STRN3: variants seen among roughly 807,000 people sequenced by gnomAD.
The protein encoded by STRN3 is striatin 3, also known as striatin-3.
A neutral mutation model predicts 95.6 loss-of-function variants in STRN3; 29 were observed. That is an observed-to-expected ratio of 0.30 (90% confidence interval 0.23 to 0.41). STRN3 has a LOEUF of 0.41. STRN3 is among the 10% of genes least tolerant of loss of function. The pLI, the probability that STRN3 is intolerant of heterozygous loss-of-function variation, is 1.00. For synonymous variants in STRN3, 331 were observed against 357.6 expected (o/e 0.93, Z 0.84); for missense variants, 890 against 972.1 (o/e 0.92, Z 1.12).
At chr14:30,996,727 G>A (rs532597488) in intron 1 of STRN3, among the ~76,000 whole-genome samples, 2 of 152,250 alleles carry the variant, frequency 1.3e-5, no homozygotes, top group South Asian at 4.1e-4. Flanking sequence ...TTAGCTGGGT[G>A]TGGTGGTGTG....
At position 30,907,036 on chromosome 14, in the gene STRN3, C is replaced by T. The variant is rs781250899; in HGVS notation, c.1729G>A (p.Val577Ile). 6.2e-7 allele frequency: 1 copy of T among 1,605,926 alleles called. No individual in the cohort carries two copies. The highest frequency in any genetic ancestry group is 8.5e-7 in the Non-Finnish European group (1 of 1,177,998). ...TGACCAACTAAAGTGCCAGCTAGAA[C>T]ATTTGGCTCTGGGGAAAAAACAAAC... Reference protein sequence around the residue: ...VDPYDTYEPNVLAGTLVGHTD... With the variant: ...VDPYDTYEPNILAGTLVGHTD... Residue 577 changes from valine (V) to isoleucine (I), a missense_variant, in exon 14 of 18, where the codon GTT becomes ATT. By Grantham distance (29) the Val-to-Ile change is conservative (BLOSUM62 3). Coordinates refer to ENST00000357479, the MANE Select transcript of STRN3 (RefSeq NM_001083893.2).
chr14:30,939,723 C>T (rs1879002247), intron 5 of STRN3, among the ~76,000 whole-genome samples: 1 of 152,106 alleles, frequency 6.6e-6, no homozygotes, highest in Admixed American at 6.6e-5. Context: ...TTGATTCCTA[C>T]ACACTAGGAA....
At chr14:30,963,199 A>T (rs1360773902) in intron 1 of STRN3, among the ~76,000 whole-genome samples, 2 of 152,246 alleles carry the variant, frequency 1.3e-5, no homozygotes, top group South Asian at 4.1e-4. Context: ...AGACAACAGT[A>T]GTTGGAGATT....
At chr14:30,962,611 G>A (rs1179843579) in intron 1 of STRN3, among the ~76,000 whole-genome samples, 1 of 152,180 alleles carries the variant, frequency 6.6e-6, no homozygotes, top group East Asian at 1.9e-4. Flanking sequence ...ACAGTTCACT[G>A]CAGCCTCAAC....
chr14:31,007,744 T>TA lies in STRN3; in HGVS notation c.282+18159dup, dbSNP rs954405114. On this transcript the variant is annotated intron_variant, in intron 1 of 17. Transcript: ENST00000357479. ...TAACAAGACTCCATCTCTACAAAAATAAAAAAAAAAAAACAGCCAGGTGTG... is the reference window on the plus strand; with the variant it reads ...TAACAAGACTCCATCTCTACAAAAATAAAAAAAAAAAAAACAGCCAGGTGTG... 4.0e-3 allele frequency among the ~76,000 whole-genome samples: 590 copies of TA among 145,828 alleles called. 6 individuals carry two copies. The highest frequency in any genetic ancestry group is 0.012 in the African/African-American group (467 of 39,052).
chr14:30,905,710 TG>T (rs1222173229), intron 14 of STRN3, 152 bp from the exon 15 acceptor site: 14 of 776,392 alleles, frequency 1.8e-5, no homozygotes, highest in Admixed American at 1.1e-4. Context: ...TGTGTCAGGA[TG>T]GTGAGATAAG....
chr14:30,967,551 C>T (rs944594970), intron 1 of STRN3, among the ~76,000 whole-genome samples: 2 of 152,202 alleles, frequency 1.3e-5, no homozygotes, highest in South Asian at 4.1e-4. Context: ...ACTGACAACC[C>T]GTAGCCTTCC....
chr14:30,898,540 A>G (rs1392605649), intron 16 of STRN3, among the ~76,000 whole-genome samples: 6 of 152,208 alleles, frequency 3.9e-5, no homozygotes, highest in Admixed American at 3.9e-4. Context: ...TCAAAATGTG[A>G]GTAATCCCTT....
In STRN3 at chr14:30,922,033, C is replaced by T. The variant is rs548009560; in HGVS notation, c.1100-2927G>A. Among the ~76,000 whole-genome samples the T allele has an allele frequency of 1.9e-3, 294 of 151,556 alleles. 2 individuals are homozygous for T. Among genetic ancestry groups the T allele is most frequent in the African/African-American group, 7.0e-3 (288 of 41,244 alleles). On this transcript the variant is annotated intron_variant, in intron 8 of 17. Transcript: ENST00000357479. ...TGCCCAGTAGCTGGGACCACAGGCA[C>T]GTACCATCAAGCTTGGCTAATTTAA...
In STRN3 at chr14:30,961,599, A is replaced by G. The variant is rs1880210011; in HGVS notation, c.283-5357T>C. ...TACATATAATTATGTACAGTGCTCA[A>G]TACTTATAATGACAATAATGACTAT... On this transcript the variant is annotated intron_variant, in intron 1 of 17. Coordinates refer to ENST00000357479, the MANE Select transcript of STRN3 (RefSeq NM_001083893.2). Among the ~76,000 whole-genome samples the G allele has an allele frequency of 5.3e-5, 8 of 152,224 alleles. No homozygotes were observed. In the South Asian group the frequency reaches 1.7e-3, roughly 31 times the overall value.
At chr14:31,004,951 G>A (rs1472680143) in intron 1 of STRN3, among the ~76,000 whole-genome samples, 1 of 152,074 alleles carries the variant, frequency 6.6e-6, no homozygotes, top group African/African-American at 2.4e-5. Flanking sequence ...CTTTTCTCCA[G>A]AGATGATGCT....
Position 30,947,271 on chromosome 14 carries a change from A to C in STRN3, c.543-8T>G, listed in dbSNP as rs1879411237. On this transcript the variant is annotated splice_polypyrimidine_tract_variant and splice_region_variant and intron_variant, in intron 4 of 17. Coordinates refer to ENST00000357479, the MANE Select transcript of STRN3 (RefSeq NM_001083893.2). ...CCTACTTCCTGAAGATACCTGTAAG[A>C]GAAAATAAATATTAAAATCCACATA... 2 of 1,564,918 alleles carry C rather than the reference A, an allele frequency of 1.3e-6. No homozygotes were observed. Among genetic ancestry groups the C allele is most frequent in the Non-Finnish European group, 1.7e-6 (2 of 1,160,764 alleles).
At chr14:30,938,677 G>A (rs1878946481) in intron 5 of STRN3, among the ~76,000 whole-genome samples, 1 of 151,990 alleles carries the variant, frequency 6.6e-6, no homozygotes, top group African/African-American at 2.4e-5. Flanking sequence ...CCAAGAGAAT[G>A]TAAAGAAAAG....
At chr14:30,929,703 A>G (rs1193433084) in intron 7 of STRN3, among the ~76,000 whole-genome samples, 2 of 152,068 alleles carry the variant, frequency 1.3e-5, no homozygotes, top group Non-Finnish European at 2.9e-5. Flanking sequence ...TACTCGGAAA[A>G]GTGCAAGCTA....
chr14:30,922,325 G>C (rs971493427), intron 8 of STRN3, among the ~76,000 whole-genome samples: 4 of 152,064 alleles, frequency 2.6e-5, no homozygotes, highest in East Asian at 1.9e-4. Flanking sequence ...ACCATGCCCA[G>C]CTAGAAAAAC....
intron 8 of STRN3, among the ~76,000 whole-genome samples, chr14:30,920,973 CAT>C (rs1896863948): frequency 2.0e-5 from 3 of 152,124 alleles, no homozygotes; most frequent in Middle Eastern, 3.4e-3. Context: ...GCAATTTCCA[CAT>C]AGTTTCAGTG....
intron 1 of STRN3, among the ~76,000 whole-genome samples, chr14:30,997,011 A>C (rs965011802): frequency 3.9e-5 from 6 of 152,198 alleles, no homozygotes; most frequent in Non-Finnish European, 7.3e-5. Context: ...AGTAATAGAC[A>C]ATAAAAAAAA....
chr14:30,925,514 C>T (rs1427684598), intron 8 of STRN3, among the ~76,000 whole-genome samples: 2 of 151,958 alleles, frequency 1.3e-5, no homozygotes, highest in African/African-American at 4.8e-5. Context: ...TATGCTAATT[C>T]AGTAGGTGTG....
At chr14:30,899,742 C>T (rs1203277076) in intron 16 of STRN3, among the ~76,000 whole-genome samples, 7 of 148,612 alleles carry the variant, frequency 4.7e-5, no homozygotes, top group Admixed American at 4.7e-4. Flanking sequence ...CTTGCACATA[C>T]CCCCCCCACC....
Sources: allele counts gnomAD v4.1 joint callset (sites outside exome capture counted in the v4.1 genomes callset), GRCh38; gene constraint gnomAD v4.1.1; transcripts MANE v1.5; gene names NCBI Gene and HGNC (gene_info 2026-07-23, HGNC 2026-07-21).